DIABLO: variants seen among roughly 807,000 people sequenced by gnomAD.
DIABLO encodes diablo IAP-binding mitochondrial protein.
In DIABLO, 32 loss-of-function variants were observed where a neutral mutation model predicts 31.7. The observed-to-expected ratio is 1.01, with a 90% CI of 0.76 to 1.35. The LOEUF (loss-of-function observed/expected upper bound fraction) is 1.35. DIABLO is among the 40% of genes most tolerant of loss of function. DIABLO has a pLI of 0.00. For synonymous variants in DIABLO, 132 were observed against 103.2 expected (o/e 1.28, Z -1.69); for missense variants, 316 against 286.4 (o/e 1.10, Z -0.75).
chr12:122,215,467 G>A (rs1301052246), intron 5 of DIABLO, among the ~76,000 whole-genome samples: 2 of 152,046 alleles, frequency 1.3e-5, no homozygotes, highest in Non-Finnish European at 2.9e-5. Flanking sequence ...AGCTGGGCGT[G>A]GTGGCGGGTG....
In DIABLO at chr12:122,208,234, A is replaced by G; in HGVS notation, c.*147T>C. ...GCCTGAGACCACAGGAGGCACTCAC[A>G]GCTCACAAAGGCGTCTCGCCTGATT... On this transcript the variant is annotated 3_prime_UTR_variant, in exon 6 of 6. Transcript: ENST00000464942. 3.3e-6 allele frequency: 3 copies of G among 915,726 alleles called. No individual in the cohort carries two copies. The highest frequency in any genetic ancestry group is 2.6e-5 in the East Asian group (1 of 38,442). 56.7% of individuals were successfully genotyped at this position (915,726 alleles called of 1,614,324 possible).
At chr12:122,220,669 C>CAAAACAAAAACA (rs375283797) in intron 2 of DIABLO, 1 of 151,918 alleles carries the variant, frequency 6.6e-6, no homozygotes, top group Non-Finnish European at 1.5e-5. Context: ...CAAAACAAAA[C>CAAAACAAAAACA]AAAACAAAAA....
rs1409384874 is a variant in DIABLO, at chr12:122,208,479, G to C, written c.622C>G (p.Leu208Val). ...AGCTCTTCTATCTGTGCTTCTGCCA[G>C]CTTGGTTTCTGCTTTCCGGGAGAGC... ...HQLSRKAETK[L>V]AEAQIEELRQ... Residue 208 changes from leucine (L) to valine (V), a missense_variant, in exon 6 of 6, where the codon CTG becomes GTG. By Grantham distance (32) the Leu-to-Val change is conservative. Coordinates refer to ENST00000464942, the MANE Select transcript of DIABLO (RefSeq NM_001371333.1). 1.2e-6 allele frequency: 2 copies of C among 1,614,164 alleles called. No individual in the cohort carries two copies. The highest frequency in any genetic ancestry group is 3.3e-4 in the Middle Eastern group (2 of 6,062).
intron 3 of DIABLO, among the ~76,000 whole-genome samples, 183 bp downstream of exon 3, chr12:122,218,083 G>A (rs1954254242): frequency 6.6e-6 from 1 of 151,932 alleles, no homozygotes; most frequent in African/African-American, 2.4e-5. Flanking sequence ...TTTGGGCTTT[G>A]TGGGCCTTAC....
intron 2 of DIABLO, chr12:122,220,789 G>T (rs1409601507): frequency 6.6e-6 from 1 of 152,164 alleles, no homozygotes; most frequent in Non-Finnish European, 1.5e-5. Context: ...TTTTTGATAT[G>T]AACAAATCAA....
At chr12:122,223,563 T>C (rs981019549) in intron 2 of DIABLO, among the ~76,000 whole-genome samples, 27 of 151,998 alleles carry the variant, frequency 1.8e-4, no homozygotes, top group African/African-American at 6.0e-4. Context: ...TCTATTACGG[T>C]CTCCCCCATT....
chr12:122,218,307 T>C lies in DIABLO; in HGVS notation c.274A>G (p.Thr92Ala), dbSNP rs1446212555. 4 of 1,614,006 alleles carry C rather than the reference T, an allele frequency of 2.5e-6. No individual in the cohort carries two copies. Among genetic ancestry groups the C allele is most frequent in the Non-Finnish European group, 8.5e-7 (1 of 1,180,024 alleles). ...ATAGCTTCAATCAACGCATATGTGG[T>C]CTGAGAGAGAAAGGTAGAGGTGCTA... ...TDSTSTFLSQ[T>A]TYALIEAITE... The change falls in exon 3 of 6, where the codon ACC becomes GCC. Residue 92 changes from threonine (T) to alanine (A), a missense_variant. By Grantham distance (58) the Thr-to-Ala change is moderately conservative. Coordinates refer to ENST00000464942, the MANE Select transcript of DIABLO (RefSeq NM_001371333.1).
At chr12:122,220,358 C>CTT (rs1408493886) in intron 2 of DIABLO, among the ~76,000 whole-genome samples, 1 of 151,504 alleles carries the variant, frequency 6.6e-6, no homozygotes, top group East Asian at 1.9e-4. Context: ...CTCCCTGACT[C>CTT]TCTGCCTTTT....
intron 2 of DIABLO, chr12:122,221,674 AAG>A (rs1198538379): frequency 1.3e-5 from 2 of 152,180 alleles, no homozygotes; most frequent in Admixed American, 6.6e-5. Flanking sequence ...CTGGGATTAC[AAG>A]AGAGAGCCAT....
Position 122,218,534 on chromosome 12 carries a change from A to AT in DIABLO, c.184-138dup. 4 of 1,128,404 alleles carry AT rather than the reference A, an allele frequency of 3.5e-6. No individual in the cohort carries two copies. In the South Asian group the frequency reaches 4.0e-5, roughly 11 times the overall value. 69.9% of individuals were successfully genotyped at this position (1,128,404 alleles called of 1,614,324 possible). ...ACTGCACTATATTTCTTTGGGTTATATTTTTTAAGGCCTTATTTTGGCAAT... is the reference window on the plus strand; with the variant it reads ...ACTGCACTATATTTCTTTGGGTTATATTTTTTTAAGGCCTTATTTTGGCAAT... On this transcript the variant is annotated intron_variant, in intron 2 of 5. Coordinates refer to ENST00000464942, the MANE Select transcript of DIABLO (RefSeq NM_001371333.1).
chr12:122,225,905 G>C, intron 1 of DIABLO, 60 bp downstream of exon 1: 1 of 1,550,558 alleles, frequency 6.4e-7, no homozygotes, highest in East Asian at 2.4e-5. Flanking sequence ...CCGGGCCACA[G>C]CGCTGTCCGC....
At chr12:122,212,059 C>A (rs1954100737) in intron 5 of DIABLO, among the ~76,000 whole-genome samples, 2 of 149,032 alleles carry the variant, frequency 1.3e-5, no homozygotes, top group Non-Finnish European at 3.0e-5. Flanking sequence ...TGGTCTCGAA[C>A]TCTTGACCTC....
chr12:122,225,967 G>C lies in DIABLO; in HGVS notation c.48C>G (p.Phe16Leu), dbSNP rs76582402. 1.3e-6 allele frequency: 2 copies of C among 1,596,524 alleles called. No individual in the cohort carries two copies. Among genetic ancestry groups the C allele is most frequent in the African/African-American group, 1.3e-5 (1 of 74,718 alleles). Residue 16 changes from phenylalanine (F) to leucine (L), a missense_variant and splice_region_variant, in exon 1 of 6, where the codon TTC becomes TTG. Phe to Leu is a conservative substitution (Grantham distance 22, BLOSUM62 0). Transcript: ENST00000464942. ...SWLSRSVTSF[F>L]RYRQCLCVPV... ...CCTCTACGCGGCCGCAGCGGTACCT[G>C]AAGAATGAAGTTACGCTGCGCGACA...
chr12:122,223,777 G>A (rs1954385675), intron 2 of DIABLO, among the ~76,000 whole-genome samples: 1 of 152,094 alleles, frequency 6.6e-6, no homozygotes, highest in African/African-American at 2.4e-5. Flanking sequence ...CTCCCTCCCA[G>A]AATTGCCTAT....
At chr12:122,220,909 A>T (rs1291432491) in intron 2 of DIABLO, 2 of 152,264 alleles carry the variant, frequency 1.3e-5, no homozygotes, top group Non-Finnish European at 2.9e-5. Flanking sequence ...CAATATTCTG[A>T]TAAGTCTTCA....
chr12:122,218,353 T>C lies in DIABLO; in HGVS notation c.228A>G (p.Arg76=), dbSNP rs373344824. The C allele has an allele frequency of 1.2e-6, 2 of 1,614,116 alleles. No homozygotes were observed. The highest frequency in any genetic ancestry group is 1.7e-6 in the Non-Finnish European group (2 of 1,180,002). Residue 76 remains arginine, a synonymous_variant, in exon 3 of 6, where the codon AGA becomes AGG. Coordinates refer to ENST00000464942, the MANE Select transcript of DIABLO (RefSeq NM_001371333.1). ...TGCTATCTGTTACCAAAGACACTGCTCTCCTCATCAATGCTTCACTACTAA... is the reference window on the plus strand; with the variant it reads ...TGCTATCTGTTACCAAAGACACTGCCCTCCTCATCAATGCTTCACTACTAA... ...HSLSSEALMR[R]AVSLVTDSTS... is the part of the protein sequence containing the mutation.
At chr12:122,216,646 TAAAG>T (rs1954218534) in intron 4 of DIABLO, 62 bp from the exon 5 acceptor site, 2 of 1,559,890 alleles carry the variant, frequency 1.3e-6, no homozygotes, top group African/African-American at 1.4e-5. Context: ...TAAATGGACT[TAAAG>T]TAGTAGATTT....
chr12:122,224,358 T>C (rs962775988), intron 2 of DIABLO, among the ~76,000 whole-genome samples, 154 bp downstream of exon 2: 26 of 152,200 alleles, frequency 1.7e-4, no homozygotes, highest in African/African-American at 5.8e-4. Context: ...AGAATATTAA[T>C]ATATCTGCTC....
chr12:122,224,983 C>T, intron 1 of DIABLO: 1 of 492,546 alleles, frequency 2.0e-6, no homozygotes, highest in South Asian at 2.0e-5. Context: ...AAGGCCGAGG[C>T]GGGTGGATCA....
Sources: allele counts gnomAD v4.1 joint callset (sites outside exome capture counted in the v4.1 genomes callset), GRCh38; gene constraint gnomAD v4.1.1; transcripts MANE v1.5; gene names NCBI Gene and HGNC (gene_info 2026-07-23, HGNC 2026-07-21).